The following CFAP70 variants were observed in gnomAD, a reference collection of about 807,000 sequenced individuals.
CFAP70 encodes cilia- and flagella-associated protein 70.
CFAP70 carries 81 observed loss-of-function variants against 137.6 expected under a neutral mutation model. That is an observed-to-expected ratio of 0.59 (90% CI 0.49 to 0.71). CFAP70 has a LOEUF of 0.71. Among genes scored for constraint, CFAP70 ranks in the 30% least tolerant of loss-of-function variants. The probability of loss-of-function intolerance (pLI) is 0.00; values close to 1 mark genes in which losing one functional copy is unlikely to be tolerated. For synonymous variants in CFAP70, 382 were observed against 423.6 expected (o/e 0.90, Z 1.20); for missense variants, 976 against 1,226.7 (o/e 0.80, Z 3.05).
At chr10:73,341,343 T>C in intron 6 of CFAP70, 56 bp downstream of exon 7, 1 of 1,458,290 alleles carries the variant, frequency 6.9e-7, no homozygotes, top group Non-Finnish European at 9.3e-7. Flanking sequence ...ACAAAATGTT[T>C]TATCATCTGT....
At chr10:73,321,342 C>G (rs1030471274) in intron 9 of CFAP70, among the ~76,000 whole-genome samples, 1 of 152,028 alleles carries the variant, frequency 6.6e-6, no homozygotes, top group African/African-American at 2.4e-5. Context: ...TGCTTGAACC[C>G]GGGAGAAAGA....
chr10:73,341,672 TGA>T (rs2053265090), intron 5 of CFAP70, 91 bp from the exon 7 acceptor site: 2 of 1,153,088 alleles, frequency 1.7e-6, no homozygotes, highest in African/African-American at 1.5e-5. Context: ...AATGGAATGC[TGA>T]GTGTTATCAA....
intron 9 of CFAP70, among the ~76,000 whole-genome samples, chr10:73,316,526 AATAT>A (rs1416085097): frequency 6.9e-6 from 1 of 144,032 alleles, no homozygotes; most frequent in Non-Finnish European, 1.5e-5. Flanking sequence ...CGTACACATA[AATAT>A]ATATGTATAT....
intron 3 of CFAP70, among the ~76,000 whole-genome samples, 161 bp downstream of exon 3, chr10:73,353,395 G>A (rs12255298): frequency 0.023 from 3,435 of 152,204 alleles, 114 homozygotes; most frequent in African/African-American, 0.072. Context: ...AGATTTTCAC[G>A]TTTCAGTTCC....
intron 12 of CFAP70, among the ~76,000 whole-genome samples, chr10:73,302,117 A>G (rs938707777): frequency 6.6e-6 from 1 of 152,178 alleles, no homozygotes; most frequent in African/African-American, 2.4e-5. Context: ...GTATGTGAGA[A>G]TTAGGAGAGG....
chr10:73,354,187 T>C (rs188509567), intron 2 of CFAP70, among the ~76,000 whole-genome samples: 398 of 152,332 alleles, frequency 2.6e-3, no homozygotes, highest in African/African-American at 8.5e-3. Context: ...TTTTAGAATA[T>C]ATTTTCTAGT....
At chr10:73,317,131 C>G (rs991891169) in intron 9 of CFAP70, among the ~76,000 whole-genome samples, 1 of 152,168 alleles carries the variant, frequency 6.6e-6, no homozygotes, top group African/African-American at 2.4e-5. Context: ...AATTCTCCTG[C>G]CTCAGCCTCT....
At position 73,320,925 on chromosome 10, in the gene CFAP70, C is replaced by G. The variant is rs968522462; in HGVS notation, c.912+2038G>C. 9.9e-5 allele frequency among the ~76,000 whole-genome samples: 15 copies of G among 152,164 alleles called. No homozygotes were observed. In the South Asian group the frequency reaches 2.9e-3, roughly 29 times the overall value. On this transcript the variant is annotated intron_variant, in intron 9 of 26. Transcript: ENST00000310715. ...CAGGTGATCCGCCCGCCTCGGCCTC[C>G]TAGAGTGCTGGGATTATAGGCGTGG...
At chr10:73,331,429 C>T (rs2052071302) in intron 7 of CFAP70, among the ~76,000 whole-genome samples, 153 bp from the exon 9 acceptor site, 2 of 152,054 alleles carry the variant, frequency 1.3e-5, no homozygotes, top group South Asian at 4.1e-4. Context: ...CCTGTAAATG[C>T]CAGCACTTTG....
chr10:73,269,499 A>C, intron 25 of CFAP70, 115 bp downstream of exon 26: 1 of 679,206 alleles, frequency 1.5e-6, no homozygotes, highest in Non-Finnish European at 2.6e-6. Context: ...GATTACACCT[A>C]GAGCTTATCA....
At position 73,316,503 on chromosome 10, in the gene CFAP70, T is replaced by G. The variant is rs1013996217; in HGVS notation, c.913-3860A>C. Among the ~76,000 whole-genome samples the G allele has an allele frequency of 5.0e-5, 7 of 139,774 alleles. No homozygotes were observed. The South Asian group carries it at 1.4e-3, about 29-fold the overall frequency. The allele number at this position is 139,774 out of a possible 152,430, so 91.7% of individuals were successfully genotyped here. On this transcript the variant is annotated intron_variant, in intron 9 of 26. Coordinates refer to ENST00000310715, the Ensembl canonical transcript of CFAP70. ...ATAGATATAGATATATATATATATATATATATATATGACGTACACATAAAT... is the reference window on the plus strand; with the variant it reads ...ATAGATATAGATATATATATATATAGATATATATATGACGTACACATAAAT...
chr10:73,287,852 C>CATCTATCTATCTATCTATCT (rs72556802), intron 19 of CFAP70, among the ~76,000 whole-genome samples: 12 of 145,954 alleles, frequency 8.2e-5, no homozygotes, highest in East Asian at 2.0e-4. Flanking sequence ...TGCATTTTAA[C>CATCTATCTATCTATCTATCT]ATCTATCTAT....
intron 25 of CFAP70, among the ~76,000 whole-genome samples, chr10:73,260,169 A>T (rs554361806): frequency 6.6e-6 from 1 of 152,322 alleles, no homozygotes; most frequent in East Asian, 1.9e-4. Flanking sequence ...CCTGGGCAAC[A>T]TAGTGAGACT....
chr10:73,343,314 G>A (rs1023102628), intron 5 of CFAP70, among the ~76,000 whole-genome samples: 8 of 152,008 alleles, frequency 5.3e-5, no homozygotes, highest in East Asian at 1.9e-4. Context: ...CTGATGCTGC[G>A]CCAACCCAGG....
chr10:73,277,433 G>A (rs111427843), intron 20 of CFAP70, 72 bp from the exon 22 acceptor site: 38 of 1,544,856 alleles, frequency 2.5e-5, no homozygotes, highest in African/African-American at 1.5e-4. Context: ...AGACACATTC[G>A]GGTGGGTGCG....
At chr10:73,255,987 T>C (rs1157772434) in intron 26 of CFAP70, among the ~76,000 whole-genome samples, 1 of 152,154 alleles carries the variant, frequency 6.6e-6, no homozygotes, top group African/African-American at 2.4e-5. Context: ...AAATTTCCTA[T>C]TTTGCCCTTT....
At chr10:73,309,524 C>G (rs1256804902) in intron 12 of CFAP70, among the ~76,000 whole-genome samples, 1 of 152,036 alleles carries the variant, frequency 6.6e-6, no homozygotes, top group African/African-American at 2.4e-5. Context: ...CCAAGCTGGT[C>G]TCAAACCTCT....
At chr10:73,290,602 T>C (rs953155833) in intron 19 of CFAP70, among the ~76,000 whole-genome samples, 3 of 151,962 alleles carry the variant, frequency 2.0e-5, no homozygotes, top group African/African-American at 7.3e-5. Context: ...AAAATAATAA[T>C]ACACACATGC....
chr10:73,336,000 G>C (rs2052616577), intron 6 of CFAP70, among the ~76,000 whole-genome samples: 1 of 151,928 alleles, frequency 6.6e-6, no homozygotes, highest in African/African-American at 2.4e-5. Flanking sequence ...AATTAGCTAA[G>C]TGTGGTGGCA....
Sources: gnomAD v4.1 joint callset for allele counts (sites outside exome capture counted in the v4.1 genomes callset) on GRCh38, gnomAD v4.1.1 for gene constraint, MANE v1.5 for transcripts, NCBI Gene and HGNC (gene_info 2026-07-23, HGNC 2026-07-21) for gene names.